ZNF566: variants seen among roughly 807,000 people sequenced by gnomAD.
ZNF566 encodes zinc finger protein 566.
Under a neutral mutation model 32.8 loss-of-function variants are expected in ZNF566, and 27 were observed. That is an observed-to-expected ratio of 0.82 (90% CI 0.61 to 1.14). The LOEUF is 1.14. ZNF566 is among the 50% of genes most tolerant of loss of function. The pLI is 0.00. For synonymous variants in ZNF566, 154 were observed against 159.5 expected, an observed-to-expected ratio of 0.97 and a Z score of 0.26; for missense variants, 402 against 490.4, an observed-to-expected ratio of 0.82 and a Z score of 1.70.
chr19:36,485,968 C>T (rs113408217), intron 1 of ZNF566, among the ~76,000 whole-genome samples: 28,194 of 151,916 alleles, frequency 0.19, 2,812 homozygotes, highest in Non-Finnish European at 0.23. Flanking sequence ...GCAAGAATAT[C>T]GCTGGAACCC....
chr19:36,456,093 C>G (rs537014470), intron 4 of ZNF566, among the ~76,000 whole-genome samples: 1 of 151,594 alleles, frequency 6.6e-6, no homozygotes, highest in Admixed American at 6.6e-5. Context: ...ATACAAAAAT[C>G]GGTTGTTTCT....
At chr19:36,457,029 G>A (rs748789580) in intron 4 of ZNF566, among the ~76,000 whole-genome samples, 9 of 152,086 alleles carry the variant, frequency 5.9e-5, no homozygotes, top group South Asian at 2.1e-4. Context: ...AAAACAGCAC[G>A]GCACTGGCAT....
At chr19:36,454,361 G>C (rs190416778) in intron 4 of ZNF566, among the ~76,000 whole-genome samples, 2 of 151,936 alleles carry the variant, frequency 1.3e-5, no homozygotes, top group East Asian at 3.9e-4. Context: ...AAATCAAAAA[G>C]AAAGAGTGAG....
At chr19:36,454,050 C>T (rs1004535602) in intron 4 of ZNF566, among the ~76,000 whole-genome samples, 1 of 151,904 alleles carries the variant, frequency 6.6e-6, no homozygotes, top group Non-Finnish European at 1.5e-5. Flanking sequence ...GTTTCCAACT[C>T]CTGACCTCAA....
intron 1 of ZNF566, among the ~76,000 whole-genome samples, chr19:36,482,168 C>G (rs1045285697): frequency 6.6e-6 from 1 of 152,130 alleles, no homozygotes; most frequent in Non-Finnish European, 1.5e-5. Flanking sequence ...TGCAGTGGCG[C>G]GATCTCGGCT....
At chr19:36,473,250 G>A (rs548205607) in intron 3 of ZNF566, 82 bp downstream of exon 3, 1 of 1,536,628 alleles carries the variant, frequency 6.5e-7, no homozygotes, top group African/African-American at 1.4e-5. Flanking sequence ...ACTGGTTTTT[G>A]AAAGCCAGGT....
At chr19:36,452,067 C>T (rs901216852) in intron 4 of ZNF566, among the ~76,000 whole-genome samples, 4 of 151,134 alleles carry the variant, frequency 2.6e-5, no homozygotes, top group African/African-American at 4.9e-5. Context: ...ACATTAGGCC[C>T]GACCCCTTGA....
chr19:36,458,242 TAC>T (rs35452928), intron 4 of ZNF566, among the ~76,000 whole-genome samples: 39,109 of 151,894 alleles, frequency 0.26, 5,095 homozygotes, highest in South Asian at 0.37. Flanking sequence ...TATATATGTA[TAC>T]ACACACACAT....
At chr19:36,451,269 A>T (rs555603638) in intron 4 of ZNF566, among the ~76,000 whole-genome samples, 20 of 152,358 alleles carry the variant, frequency 1.3e-4, no homozygotes, top group African/African-American at 4.8e-4. Context: ...TCCAGAAAAA[A>T]GCCTAGCTTA....
chr19:36,473,108 G>C, intron 3 of ZNF566, 102 bp from the exon 4 acceptor site: 1 of 1,186,686 alleles, frequency 8.4e-7, no homozygotes, highest in Non-Finnish European at 1.2e-6. Context: ...TATGAGAAGA[G>C]TCAAAGAGAG....
chr19:36,480,224 C>T (rs927281401), intron 1 of ZNF566, among the ~76,000 whole-genome samples: 6 of 151,726 alleles, frequency 4.0e-5, no homozygotes, highest in African/African-American at 1.5e-4. Flanking sequence ...AGAAAGAGAG[C>T]CACATAACCA....
chr19:36,454,539 G>T (rs781379102), intron 4 of ZNF566, among the ~76,000 whole-genome samples: 2 of 151,856 alleles, frequency 1.3e-5, no homozygotes, highest in Non-Finnish European at 2.9e-5. Context: ...GGCAATAGAG[G>T]GAGACCTCAT....
chr19:36,464,278 T>C (rs950682224), intron 4 of ZNF566, among the ~76,000 whole-genome samples: 6 of 152,036 alleles, frequency 3.9e-5, no homozygotes, highest in East Asian at 1.9e-4. Flanking sequence ...CAGAGGAGCA[T>C]TGTTGATCAA....
intron 4 of ZNF566, among the ~76,000 whole-genome samples, chr19:36,459,632 T>G (rs1189710098): frequency 6.6e-6 from 1 of 151,728 alleles, no homozygotes; most frequent in Non-Finnish European, 1.5e-5. Flanking sequence ...TGCCTCAGCC[T>G]CCTGAGTAGC....
intron 1 of ZNF566, among the ~76,000 whole-genome samples, chr19:36,483,609 AAATAAT>A (rs1035513422): frequency 2.6e-5 from 4 of 152,112 alleles, no homozygotes; most frequent in African/African-American, 9.7e-5. Context: ...CAAAATAAAT[AAATAAT>A]AATAATAGAG....
chr19:36,453,837 T>C (rs1394989985), intron 4 of ZNF566, among the ~76,000 whole-genome samples: 1 of 151,798 alleles, frequency 6.6e-6, no homozygotes, highest in Non-Finnish European at 1.5e-5. Flanking sequence ...GGTTAATCTT[T>C]TTTTGAGACA....
intron 4 of ZNF566, among the ~76,000 whole-genome samples, chr19:36,464,743 T>G (rs2145667743): frequency 6.6e-6 from 1 of 152,068 alleles, no homozygotes; most frequent in East Asian, 1.9e-4. Context: ...CAGTGCACTC[T>G]AGCCTGGGTG....
intron 4 of ZNF566, among the ~76,000 whole-genome samples, chr19:36,463,962 G>A (rs188138895): frequency 6.6e-5 from 10 of 152,144 alleles, no homozygotes; most frequent in African/African-American, 1.2e-4. Context: ...CTGGCCTCAA[G>A]TGATCTGCCC....
rs192212418 is a variant in ZNF566 at position 36,458,449 on chromosome 19, G to A, written c.233-8448C>T. Reference sequence around the variant, plus strand: ...CTCACTTATATATGAACTCTAAAACGTTGAACTCATAGAAGAAGAGAGTAG... The same window carrying A: ...CTCACTTATATATGAACTCTAAAACATTGAACTCATAGAAGAAGAGAGTAG... On this transcript the variant is annotated intron_variant, in intron 4 of 4. Coordinates refer to ENST00000452939, the MANE Select transcript of ZNF566 (RefSeq NM_001145344.1). Among the ~76,000 whole-genome samples the A allele has an allele frequency of 1.4e-3, 212 of 152,206 alleles. 1 individual carries two copies. The highest frequency in any genetic ancestry group is 1.4e-3 in the Non-Finnish European group (92 of 68,016).
Sources: gnomAD v4.1 joint callset for allele counts (sites outside exome capture counted in the v4.1 genomes callset) on GRCh38, gnomAD v4.1.1 for gene constraint, MANE v1.5 for transcripts, NCBI Gene and HGNC (gene_info 2026-07-23, HGNC 2026-07-21) for gene names.